BRINP3: variants seen among roughly 807,000 people sequenced by gnomAD.
The protein encoded by BRINP3 is BMP/retinoic acid-inducible neural-specific protein 3.
A neutral mutation model predicts 71.0 loss-of-function variants in BRINP3; 19 were observed. The observed-to-expected ratio is 0.27, with a 90% confidence interval of 0.19 to 0.39. The LOEUF (loss-of-function observed/expected upper bound fraction) is 0.39, where lower values mean the gene tolerates loss of function less well. Ranked by LOEUF, BRINP3 falls within the 10% of genes least tolerant of loss-of-function variation. The pLI, the probability that BRINP3 is intolerant of heterozygous loss-of-function variation, is 1.00. For missense variants in BRINP3, 959 were observed against 940.8 expected, an observed-to-expected ratio of 1.02 and a Z score of -0.25; for synonymous variants, 380 against 337.7, an observed-to-expected ratio of 1.13 and a Z score of -1.37.
chr1:190,173,705 C>T (rs1019475859), intron 6 of BRINP3, among the ~76,000 whole-genome samples: 12 of 152,220 alleles, frequency 7.9e-5, no homozygotes, highest in Middle Eastern at 3.4e-3. Context: ...ATATTAAATA[C>T]GTATTTATTA....
At chr1:190,402,139 T>C (rs1030279086) in intron 2 of BRINP3, among the ~76,000 whole-genome samples, 5 of 152,050 alleles carry the variant, frequency 3.3e-5, no homozygotes, top group African/African-American at 9.7e-5. Context: ...ACAGAAAACA[T>C]TGATAAAAGA....
At chr1:190,248,181 A>G (rs1013823531) in intron 4 of BRINP3, among the ~76,000 whole-genome samples, 3 of 151,792 alleles carry the variant, frequency 2.0e-5, no homozygotes, top group African/African-American at 7.2e-5. Context: ...ACCTCTTGCT[A>G]TTAGATTCGT....
chr1:190,167,684 G>T (rs149375470), intron 6 of BRINP3, among the ~76,000 whole-genome samples: 113 of 152,208 alleles, frequency 7.4e-4, no homozygotes, highest in Middle Eastern at 3.4e-3. Context: ...GGAGAGGCAT[G>T]GGAACCTCGG....
At chr1:190,131,056 T>C (rs1283628651) in intron 7 of BRINP3, among the ~76,000 whole-genome samples, 2 of 151,720 alleles carry the variant, frequency 1.3e-5, no homozygotes, top group African/African-American at 2.4e-5. Flanking sequence ...GTGAGTCTAT[T>C]TGTTCTATCA....
chr1:190,141,127 T>C (rs1476103551), intron 7 of BRINP3, among the ~76,000 whole-genome samples: 2 of 152,158 alleles, frequency 1.3e-5, no homozygotes, highest in Non-Finnish European at 1.5e-5. Flanking sequence ...CTGTTTTTCA[T>C]AGGTTTTCTA....
At chr1:190,378,868 A>G (rs1261584438) in intron 2 of BRINP3, among the ~76,000 whole-genome samples, 2 of 152,146 alleles carry the variant, frequency 1.3e-5, no homozygotes, top group African/African-American at 4.8e-5. Flanking sequence ...TGCGGCATCT[A>G]TCTGAGCTGT....
chr1:190,204,039 G>T (rs1053743613), intron 6 of BRINP3, among the ~76,000 whole-genome samples: 1 of 151,080 alleles, frequency 6.6e-6, no homozygotes, highest in Non-Finnish European at 1.5e-5. Context: ...TAAAAATTAA[G>T]CTATTAAAAC....
At chr1:190,223,152 A>G (rs1266145739) in intron 6 of BRINP3, among the ~76,000 whole-genome samples, 1 of 151,898 alleles carries the variant, frequency 6.6e-6, no homozygotes, top group Non-Finnish European at 1.5e-5. Flanking sequence ...GGAAGGTAAT[A>G]CTCCAAACTC....
At chr1:190,431,003 C>T (rs1162949066) in intron 2 of BRINP3, among the ~76,000 whole-genome samples, 2 of 151,854 alleles carry the variant, frequency 1.3e-5, no homozygotes, top group East Asian at 1.9e-4. Flanking sequence ...TATAATGTCT[C>T]ATAGAAATAT....
chr1:190,195,992 G>T (rs910467159), intron 6 of BRINP3, among the ~76,000 whole-genome samples: 4 of 152,012 alleles, frequency 2.6e-5, no homozygotes, highest in Non-Finnish European at 5.9e-5. Context: ...ATAACTGTTG[G>T]CAGTTGTTCA....
chr1:190,138,213 C>T (rs1023552696), intron 7 of BRINP3, among the ~76,000 whole-genome samples: 2 of 152,078 alleles, frequency 1.3e-5, no homozygotes, highest in African/African-American at 4.8e-5. Context: ...CTTGGCCTCC[C>T]AAAGTGCTGA....
At chr1:190,425,373 C>T (rs1673635415) in intron 2 of BRINP3, among the ~76,000 whole-genome samples, 1 of 151,712 alleles carries the variant, frequency 6.6e-6, no homozygotes. Context: ...CTGGCAAGCA[C>T]ATAGATTTTG....
At position 190,352,369 on chromosome 1, in the gene BRINP3, T is replaced by C. The variant is rs577624904; in HGVS notation, c.237-70619A>G. Among the ~76,000 whole-genome samples the C allele has an allele frequency of 2.0e-5, 3 of 152,090 alleles. No individual in the cohort carries two copies. The South Asian group carries it at 6.2e-4, about 32-fold the overall frequency. On this transcript the variant is annotated intron_variant, in intron 2 of 7. Transcript: ENST00000367462. ...ACTTTTGAGTTTCAAATGCGAAGGGTAAATACTAGAAGAGTTTAATGTTTG... is the reference window on the plus strand; with the variant it reads ...ACTTTTGAGTTTCAAATGCGAAGGGCAAATACTAGAAGAGTTTAATGTTTG...
intron 6 of BRINP3, among the ~76,000 whole-genome samples, chr1:190,164,157 A>G (rs1651270821): frequency 6.6e-6 from 1 of 152,126 alleles, no homozygotes; most frequent in South Asian, 2.1e-4. Flanking sequence ...TAATAAACGT[A>G]AAAAAACTTT....
rs561733154 is a variant in BRINP3 at position 190,397,953 on chromosome 1, T to G, written c.236+56702A>C. Among the ~76,000 whole-genome samples, 6 of 152,116 alleles carry G rather than the reference T, an allele frequency of 3.9e-5. No individual in the cohort carries two copies. In the South Asian group the frequency reaches 1.2e-3, roughly 31 times the overall value. Reference sequence around the variant, plus strand: ...GTGAAACTGTCAAATTTTGTTAAAATGATACCATAGAATTAATATCGTGTT... The same window carrying G: ...GTGAAACTGTCAAATTTTGTTAAAAGGATACCATAGAATTAATATCGTGTT... On this transcript the variant is annotated intron_variant, in intron 2 of 7. Transcript: ENST00000367462.
At chr1:190,362,200 T>C (rs1669194278) in intron 2 of BRINP3, 1 of 152,164 alleles carries the variant, frequency 6.6e-6, no homozygotes, top group African/African-American at 2.4e-5. Flanking sequence ...GTCTATTGTT[T>C]AAGCCACCTA....
intron 7 of BRINP3, among the ~76,000 whole-genome samples, chr1:190,132,746 A>C (rs1176959238): frequency 1.3e-5 from 2 of 152,108 alleles, no homozygotes; most frequent in Non-Finnish European, 2.9e-5. Flanking sequence ...AGTGGGGCTT[A>C]ATTACCCTTT....
At chr1:190,223,485 C>A (rs539710739) in intron 6 of BRINP3, among the ~76,000 whole-genome samples, 4 of 151,940 alleles carry the variant, frequency 2.6e-5, no homozygotes, top group South Asian at 2.1e-4. Flanking sequence ...AAACTCTCAT[C>A]AAAATGGGTA....
At chr1:190,462,103 G>A (rs1676436615) in intron 1 of BRINP3, among the ~76,000 whole-genome samples, 1 of 151,868 alleles carries the variant, frequency 6.6e-6, no homozygotes, top group Non-Finnish European at 1.5e-5. Flanking sequence ...GTAGAGATGG[G>A]ATTTCACCAT....
Sources: allele counts gnomAD v4.1 joint callset (sites outside exome capture counted in the v4.1 genomes callset), GRCh38; gene constraint gnomAD v4.1.1; transcripts MANE v1.5; gene names NCBI Gene and HGNC (gene_info 2026-07-23, HGNC 2026-07-21).